The following DST variants were observed in gnomAD, a reference collection of about 807,000 sequenced individuals.
DST encodes dystonin, also known as bullous pemphigoid antigen.
In DST, 253 loss-of-function variants were observed where a neutral mutation model predicts 875.2. The ratio of observed to expected loss-of-function variants is 0.29; its 90% CI spans 0.26 to 0.32. The LOEUF is 0.32. DST is among the 10% of genes least tolerant of loss of function. The pLI, the probability that DST is intolerant of heterozygous loss-of-function variation, is 1.00. For synonymous variants in DST, 3,124 were observed against 3,197.1 expected (o/e 0.98, Z 0.77); for missense variants, 8,287 against 9,111.6 (o/e 0.91, Z 3.68).
chr6:56,854,856 C>T (rs1767046750), intron 3 of DST, among the ~76,000 whole-genome samples: 1 of 152,138 alleles, frequency 6.6e-6, no homozygotes, highest in Admixed American at 6.6e-5. Context: ...AGAGTCAATA[C>T]ATGCAAACTT....
rs201982383 is a variant in DST at position 56,482,078 on chromosome 6, G to C, written c.21503C>G (p.Ala7168Gly). 27 of 1,613,554 alleles carry C rather than the reference G, an allele frequency of 1.7e-5. No homozygotes were observed. Among genetic ancestry groups the C allele is most frequent in the Non-Finnish European group, 2.1e-5 (25 of 1,179,762 alleles). The change falls in exon 90 of 104, where the codon GCT becomes GGT. Residue 7168 changes from alanine (A) to glycine (G), a missense_variant. Ala to Gly is a moderately conservative substitution (Grantham distance 60). This residue lies in a region of DST where 1,292 missense variants were observed against 1,552.7 expected (regional missense o/e 0.83). Transcript: ENST00000680361. ...FHGVLPDDED[A>G]LRTLIDQHKE... ...ATGCTGATCAATGAGAGTCCGGAGA[G>C]CATCCTCATCATCTGGGAGGACACC...
chr6:56,567,841 A>G (rs10807515), intron 55 of DST, among the ~76,000 whole-genome samples: 59,162 of 152,080 alleles, frequency 0.39, 11,807 homozygotes, highest in Admixed American at 0.44. Flanking sequence ...TGTATGTTTC[A>G]AACTAAAAAC....
In DST at chr6:56,924,871, C is replaced by A. The variant is rs1388018842; in HGVS notation, c.217-24250G>T. ...TCTCATTTCACCCTATGTTGTGTCC[C>A]CTAAAATGTTCCTAAGTAACTTCTC... is the stretch of plus-strand genomic sequence containing the variant. On this transcript the variant is annotated intron_variant, in intron 2 of 103. Transcript: ENST00000680361. Among the ~76,000 whole-genome samples, 3 of 152,214 alleles carry A rather than the reference C, an allele frequency of 2.0e-5. No homozygotes were observed. In the East Asian group the frequency reaches 5.8e-4, roughly 29 times the overall value.
At position 56,916,778 on chromosome 6, in the gene DST, T is replaced by TCTCACACACACACA. The variant is rs1470233953; in HGVS notation, c.217-16158_217-16157insTGTGTGTGTGTGAG. Among the ~76,000 whole-genome samples the TCTCACACACACACA allele has an allele frequency of 4.9e-4, 45 of 91,340 alleles. 1 individual carries two copies. Among genetic ancestry groups the TCTCACACACACACA allele is most frequent in the African/African-American group, 1.3e-3 (26 of 19,554 alleles). 59.9% of individuals were successfully genotyped at this position (91,340 alleles called of 152,430 possible). A position where few individuals can be genotyped will look rare whatever the true frequency, so the allele number is the denominator to read the frequency against. Reference sequence around the variant, plus strand: ...ATCTCTCTCTCTCTCTCTCTCTCTCTCACACACACACACACACACACACAC... The same window carrying TCTCACACACACACA: ...ATCTCTCTCTCTCTCTCTCTCTCTCTCTCACACACACACACACACACACACACACACACACACAC... On this transcript the variant is annotated intron_variant, in intron 2 of 103. Transcript: ENST00000680361.
rs990201975 is a variant in DST at position 56,529,893 on chromosome 6, A to T, written c.17268+81T>A. 8 of 1,531,470 alleles carry T rather than the reference A, an allele frequency of 5.2e-6. No individual in the cohort carries two copies. The African/African-American group carries it at 1.1e-4, about 21-fold the overall frequency. 94.9% of individuals were successfully genotyped at this position (1,531,470 alleles called of 1,614,324 possible). A position where few individuals can be genotyped will look rare whatever the true frequency, so the allele number is the denominator to read the frequency against. On this transcript the variant is annotated intron_variant, in intron 65 of 103. Coordinates refer to ENST00000680361, the MANE Select transcript of DST (RefSeq NM_001374736.1). Reference sequence around the variant, plus strand: ...TGGATTTAGTTTGCAATTAAACAAAACAATAGTACATAACTCAAATTTATG... The same window carrying T: ...TGGATTTAGTTTGCAATTAAACAAATCAATAGTACATAACTCAAATTTATG...
chr6:56,770,070 C>G (rs2099646515), intron 4 of DST, among the ~76,000 whole-genome samples: 1 of 152,160 alleles, frequency 6.6e-6, no homozygotes, highest in Admixed American at 6.5e-5. Flanking sequence ...ACTATATGTT[C>G]TCATTGCATA....
chr6:56,625,760 G>A (rs1178632340), intron 34 of DST, among the ~76,000 whole-genome samples: 1 of 150,926 alleles, frequency 6.6e-6, no homozygotes, highest in Non-Finnish European at 1.5e-5. Context: ...AAAGTTAACT[G>A]TAAAACAGAC....
chr6:56,481,946 T>C (rs2095415732), intron 90 of DST, 104 bp downstream of exon 90: 1 of 1,312,964 alleles, frequency 7.6e-7, no homozygotes, highest in Non-Finnish European at 1.1e-6. Context: ...TAAGTATTTC[T>C]CAGGAAGGAA....
intron 3 of DST, among the ~76,000 whole-genome samples, chr6:56,888,892 AGAGTTCAGGGAAGGGAAAATCTAAT>A (rs1045821455): frequency 1.3e-5 from 2 of 152,198 alleles, no homozygotes; most frequent in Non-Finnish European, 2.9e-5. Flanking sequence ...TTAGTTGGGG[AGAGTTCAGGGAAGGGAAAATCTAAT>A]GAGTACATCT....
At chr6:56,592,464 A>T (rs2098295318) in intron 48 of DST, 106 bp from the exon 49 acceptor site, 4 of 934,758 alleles carry the variant, frequency 4.3e-6, no homozygotes, top group Non-Finnish European at 6.3e-6. Flanking sequence ...AAAAAACCAG[A>T]CTTCCACCAA....
At chr6:56,875,510 T>C (rs796812229) in intron 3 of DST, among the ~76,000 whole-genome samples, 31 of 152,376 alleles carry the variant, frequency 2.0e-4, no homozygotes, top group African/African-American at 7.5e-4. Flanking sequence ...GTTGAAATAA[T>C]GACTAGTCAT....
chr6:56,934,560 T>TTATA (rs60018139), intron 2 of DST, among the ~76,000 whole-genome samples: 5,189 of 106,358 alleles, frequency 0.049, 189 homozygotes, highest in East Asian at 0.057. Context: ...ATATATTATA[T>TTATA]TATATATATA....
chr6:56,625,143 C>T lies in DST; in HGVS notation c.4830+14G>A. 1 of 1,572,226 alleles carries T rather than the reference C, an allele frequency of 6.4e-7. No individual in the cohort carries two copies. Among genetic ancestry groups the T allele is most frequent in the South Asian group, 1.1e-5 (1 of 90,244 alleles). The stretch of plus-strand genomic sequence containing the variant: ...TTTATGCCCCTTCCCCTCTTTCTCT[C>T]ATACTTTTATTACCTCTTGAATAAT... On this transcript the variant is annotated intron_variant, in intron 35 of 103. Coordinates refer to ENST00000680361, the MANE Select transcript of DST (RefSeq NM_001374736.1).
chr6:56,660,962 A>C (rs1454701826), intron 10 of DST, among the ~76,000 whole-genome samples: 2 of 144,200 alleles, frequency 1.4e-5, no homozygotes, highest in Non-Finnish European at 2.9e-5. Context: ...AAACATATCT[A>C]ATGAATTATG....
intron 2 of DST, among the ~76,000 whole-genome samples, chr6:56,931,698 C>G (rs1020085590): frequency 1.3e-5 from 2 of 152,214 alleles, no homozygotes; most frequent in African/African-American, 4.8e-5. Flanking sequence ...CCTGGAGTCA[C>G]AGAAGATCAT....
At position 56,597,930 on chromosome 6, in the gene DST, T is replaced by G. The variant is rs747125039; in HGVS notation, c.12005A>C (p.Lys4002Thr). The G allele has an allele frequency of 1.7e-4, 280 of 1,613,544 alleles. No individual in the cohort carries two copies. The highest frequency in any genetic ancestry group is 2.3e-4 in the Non-Finnish European group (273 of 1,179,722). ...NLLDWLSNVD[K>T]DSERAGTKHK... ...TTTTGTCCCTGCCCTTTCTGAGTCTTTGTCAACATTTGACAACCAGTCCAA... is the reference window on the plus strand; with the variant it reads ...TTTTGTCCCTGCCCTTTCTGAGTCTGTGTCAACATTTGACAACCAGTCCAA... Residue 4002 changes from lysine to threonine, a missense_variant, in exon 47 of 104, where the codon AAA (lysine) becomes ACA (threonine). Lys to Thr is a moderately conservative substitution (Grantham distance 78, BLOSUM62 -1). Around this residue, in one of 10 missense-constraint regions of DST, gnomAD observed 1,513 missense variants for 1,677.8 expected, o/e 0.90. Transcript: ENST00000680361.
intron 2 of DST, among the ~76,000 whole-genome samples, chr6:56,948,791 T>C (rs1365025512): frequency 6.6e-6 from 1 of 152,230 alleles, no homozygotes; most frequent in African/African-American, 2.4e-5. Context: ...TACTTGGTAT[T>C]TACGCTAATG....
chr6:56,621,507 C>T (rs931701065), intron 36 of DST, among the ~76,000 whole-genome samples: 2 of 152,090 alleles, frequency 1.3e-5, no homozygotes, highest in African/African-American at 4.8e-5. Flanking sequence ...ATCACTTTGA[C>T]AAGCACCTTT....
chr6:56,931,934 T>A (rs1562446281), intron 2 of DST, among the ~76,000 whole-genome samples: 1 of 152,180 alleles, frequency 6.6e-6, no homozygotes. Context: ...GGGTTAATGC[T>A]GAAATGAGTT....
Sources: allele counts gnomAD v4.1 joint callset (sites outside exome capture counted in the v4.1 genomes callset), GRCh38; gene constraint gnomAD v4.1.1; regional missense constraint gnomAD v4.1.1; transcripts MANE v1.5; gene names NCBI Gene and HGNC (gene_info 2026-07-23, HGNC 2026-07-21).